The following OPLAH variants were observed in gnomAD, a reference collection of about 807,000 sequenced individuals.
OPLAH encodes 5-oxoprolinase, ATP-hydrolysing, also known as 5-oxoprolinase.
OPLAH carries 103 observed loss-of-function variants against 122.8 expected under a neutral mutation model. That is an observed-to-expected ratio of 0.84 (90% CI 0.71 to 0.99). The LOEUF is 0.99. Ranked by LOEUF, OPLAH falls within the 50% of genes least tolerant of loss-of-function variation. The pLI, the probability that OPLAH is intolerant of heterozygous loss-of-function variation, is 0.00. For synonymous variants in OPLAH, 875 were observed against 796.0 expected (o/e 1.10, Z -1.67); for missense variants, 1,902 against 1,836.5 (o/e 1.04, Z -0.65).
chr8:144,051,051 G>A, downstream of OPLAH: 1 of 1,302,492 alleles, frequency 7.7e-7, no homozygotes. Context: ...CACGTACCGC[G>A]GAGTTCCCGG....
downstream of OPLAH, chr8:144,050,841 C>G (rs1212513667): frequency 3.0e-5 from 30 of 991,658 alleles, no homozygotes; most frequent in Non-Finnish European, 3.6e-5. Context: ...TGGCCTCCTC[C>G]CCCAAGATGC....
rs370157218 is a variant in OPLAH, at chr8:144,056,708, G to A, written c.1754C>T (p.Thr585Met). The change falls in exon 13 of 27, where the codon ACG (threonine) becomes ATG (methionine). Residue 585 changes from threonine (T) to methionine (M), a missense_variant. Physicochemically the swap from Thr to Met is moderately conservative, Grantham distance 81 (BLOSUM62 -1). This residue lies in a region of OPLAH where 1,726 missense variants were observed against 1,642.1 expected (regional missense o/e 1.05). Transcript: ENST00000618853. ...ESFLHLRYQG[T>M]DCALMVSAHQ... is the part of the protein sequence containing the mutation. ...GGCAGACACCATCAGAGCACAGTCC[G>A]TGCCCTGGTAGCGCAGGTGCAGGAA... is the stretch of plus-strand genomic sequence containing the variant. The A allele has an allele frequency of 3.6e-5, 58 of 1,611,310 alleles. 2 individuals carry two copies. In the Middle Eastern group the frequency reaches 1.3e-3, roughly 37 times the overall value.
chr8:144,052,221 G>T lies in OPLAH; in HGVS notation c.3409C>A (p.His1137Asn). ...GPSWHGRSGV[H>N]SHMTNTRITD... ...ATGCGTGTGTTGGTCATGTGGCTGT[G>T]CACACCGCTGCGCCCGTGCCAGCTG... Residue 1137 changes from histidine to asparagine, a missense_variant, in exon 24 of 27, where the codon CAC becomes AAC. Physicochemically the swap from His to Asn is moderately conservative, Grantham distance 68 (BLOSUM62 1). Around this residue, in one of 3 missense-constraint regions of OPLAH, gnomAD observed 1,726 missense variants for 1,642.1 expected, o/e 1.05. Coordinates refer to ENST00000618853, the MANE Select transcript of OPLAH (RefSeq NM_017570.5). 6.4e-7 allele frequency: 1 copy of T among 1,572,966 alleles called. No individual in the cohort carries two copies. The highest frequency in any genetic ancestry group is 1.3e-5 in the African/African-American group (1 of 74,274).
chr8:144,056,746 G>A lies in OPLAH; in HGVS notation c.1716C>T (p.Ile572=), dbSNP rs782655847. 6.2e-7 allele frequency: 1 copy of A among 1,605,732 alleles called. No individual in the cohort carries two copies. The highest frequency in any genetic ancestry group is 1.7e-4 in the Middle Eastern group (1 of 5,962). ...GCAGGTGCAGGAAGCTCTCAGTGCTGATCTGGGACCTGCAGCAGGTGGTTG... is the reference window on the plus strand; with the variant it reads ...GCAGGTGCAGGAAGCTCTCAGTGCTAATCTGGGACCTGCAGCAGGTGGTTG... ...LQAQGFPRSQ[I]STESFLHLRY... is the part of the protein sequence containing the mutation. The change falls in exon 13 of 27, where the codon ATC becomes ATT. Residue 572 remains isoleucine, a synonymous_variant. Coordinates refer to ENST00000618853, the MANE Select transcript of OPLAH (RefSeq NM_017570.5).
rs782068223 is a variant in OPLAH, at chr8:144,059,003, G to A, written c.440C>T (p.Ala147Val). The part of the protein sequence containing the change: ...DERVVLHRGE[A>V]GTGTPVKGRT... ...ACCTTTCACAGGCGTCCCGGTGCCC[G>A]CCTCTCCACGGTGCAGCACCACGCG... Residue 147 changes from alanine to valine, a missense_variant, in exon 4 of 27, where the codon GCG becomes GTG. Physicochemically the swap from Ala to Val is moderately conservative, Grantham distance 64. Coordinates refer to ENST00000618853, the MANE Select transcript of OPLAH (RefSeq NM_017570.5). 46 of 1,577,220 alleles carry A rather than the reference G, an allele frequency of 2.9e-5. No homozygotes were observed. Among genetic ancestry groups the A allele is most frequent in the Non-Finnish European group, 3.5e-5 (41 of 1,163,210 alleles).
rs1554758472 is a variant in OPLAH, at chr8:144,054,627, G to A, written c.2620C>T (p.Leu874=). 5 of 1,610,806 alleles carry A rather than the reference G, an allele frequency of 3.1e-6. No individual in the cohort carries two copies. Among genetic ancestry groups the A allele is most frequent in the South Asian group, 1.1e-5 (1 of 91,054 alleles). ...AGAAAGACGGCACCCTCCTGTTGCA[G>A]CATGGTGGAGTGGGGGGGCATGGAG... ...PGSMPPHSTM[L]QQEGAVFLSF... is the part of the protein sequence containing the mutation. The change falls in exon 19 of 27, where the codon CTG becomes TTG. Residue 874 remains leucine, a synonymous_variant. Coordinates refer to ENST00000618853, the MANE Select transcript of OPLAH (RefSeq NM_017570.5).
At position 144,051,417 on chromosome 8, in the gene OPLAH, G is replaced by C. The variant is rs782229027; in HGVS notation, c.3776C>G (p.Pro1259Arg). 6.3e-7 allele frequency: 1 copy of C among 1,589,528 alleles called. No homozygotes were observed. The highest frequency in any genetic ancestry group is 1.1e-5 in the South Asian group (1 of 89,336). ...GGGGYGDPED[P>R]APPPGSPPQA... ...CGGGGGCGACCCCGGCGGTGGGGCG[G>C]GGTCCTCCGGGTCCCCATAGCCACC... The change falls in exon 27 of 27, where the codon CCC (proline) becomes CGC (arginine). Residue 1259 changes from proline (P) to arginine (R), a missense_variant. By Grantham distance (103) the Pro-to-Arg change is moderately radical. Transcript: ENST00000618853.
chr8:144,051,174 C>T (rs11989295), downstream of OPLAH: 7 of 1,433,078 alleles, frequency 4.9e-6, no homozygotes, highest in Non-Finnish European at 6.4e-6. Context: ...CCGGGCAGTG[C>T]GCCTGCAGCT....
intron 19 of OPLAH, among the ~76,000 whole-genome samples, chr8:144,053,871 C>T (rs1835448155): frequency 6.8e-6 from 1 of 146,910 alleles, no homozygotes; most frequent in South Asian, 2.2e-4. Context: ...TTCCCTGCAG[C>T]TGCTCAGTGC....
upstream of OPLAH, among the ~76,000 whole-genome samples, chr8:144,062,287 T>C (rs1835676511): frequency 6.6e-6 from 1 of 152,038 alleles, no homozygotes; most frequent in Non-Finnish European, 1.5e-5. Context: ...CCCCTCCCCA[T>C]GGATGGGCTG....
At position 144,055,867 on chromosome 8, in the gene OPLAH, G is replaced by C. The variant is rs782379470; in HGVS notation, c.2169C>G (p.Ala723=). ...GGGGGCCCACTGTGCCGGGGACTTC[G>C]GCCCCCACGGAGATGCAGATGTCCC... ...KTGDICISVG[A]EVPGTVGPQL... The change falls in exon 16 of 27, where the codon GCC becomes GCG. Residue 723 remains alanine, a synonymous_variant. Transcript: ENST00000618853. This position sits in a 1 kb window ranked among gnomAD's most constrained non-coding sequence, Gnocchi z 6.5. The C allele has an allele frequency of 5.7e-6, 9 of 1,580,776 alleles. No homozygotes were observed. Among genetic ancestry groups the C allele is most frequent in the African/African-American group, 1.3e-5 (1 of 74,138 alleles).
chr8:144,052,348 T>C, intron 23 of OPLAH, 22 bp from the exon 24 acceptor site: 1 of 1,510,878 alleles, frequency 6.6e-7, no homozygotes, highest in Non-Finnish European at 8.8e-7. Context: ...ACCTGGTCGC[T>C]GCGCTGGGCT....
rs368751577 is a variant in OPLAH, at chr8:144,058,835, C to G, written c.525G>C (p.Lys175Asn). ...TGCCTCGAGATAGCAGCCCCTCCAG[C>G]TTCCCACGCAGGGCCCCCAGGTCCA... ...QPVDLGALRG[K>N]LEGLLSRGIR... is the part of the protein sequence containing the mutation. Residue 175 changes from lysine (K) to asparagine (N), a missense_variant, in exon 5 of 27, where the codon AAG (lysine) becomes AAC (asparagine). Lys to Asn is a moderately conservative substitution (Grantham distance 94). Coordinates refer to ENST00000618853, the MANE Select transcript of OPLAH (RefSeq NM_017570.5). 49 of 1,587,510 alleles carry G rather than the reference C, an allele frequency of 3.1e-5. No individual in the cohort carries two copies. The highest frequency in any genetic ancestry group is 6.0e-6 in the Non-Finnish European group (7 of 1,167,938).
rs782749010 is a variant in OPLAH, at chr8:144,052,171, G to GCT, written c.3457_3458dup (p.Ser1153ArgfsTer44). The GCT allele has an allele frequency of 6.4e-7, 1 of 1,567,306 alleles. No homozygotes were observed. The highest frequency in any genetic ancestry group is 8.6e-7 in the Non-Finnish European group (1 of 1,159,324). On this transcript the variant is annotated frameshift_variant, in exon 24 of 27. Transcript: ENST00000618853. LOFTEE classifies it high-confidence loss of function. ...CAGCCTCCGCGCACGCCGCTCACCG[G>GCT]CTCTCCAGGATCTCAGGGTCGGTGA...
intron 25 of OPLAH, 44 bp from the exon 26 acceptor site, chr8:144,051,870 T>A: frequency 8.7e-6 from 1 of 114,324 alleles, no homozygotes; most frequent in East Asian, 4.9e-4. Flanking sequence ...GGGGCGGGGG[T>A]GGGGGCGGGG....
rs1554758047 is a variant in OPLAH, at chr8:144,052,881, A to C, written c.3038T>G (p.Phe1013Cys). 1.3e-6 allele frequency: 2 copies of C among 1,555,530 alleles called. No homozygotes were observed. The highest frequency in any genetic ancestry group is 2.7e-5 in the African/African-American group (2 of 73,200). Reference protein sequence around the residue: ...SLSQGSAVFDFSGTGPEVFGN... With the variant: ...SLSQGSAVFDCSGTGPEVFGN... The stretch of plus-strand genomic sequence containing the variant: ...AAACACCTCCGGCCCAGTGCCGCTG[A>C]AGTCAAACACGGCGCTGCCCTGCGC... Residue 1013 changes from phenylalanine (F) to cysteine (C), a missense_variant, in exon 22 of 27, where the codon TTC becomes TGC. This residue lies in a region of OPLAH where 1,726 missense variants were observed against 1,642.1 expected (regional missense o/e 1.05). Coordinates refer to ENST00000618853, the MANE Select transcript of OPLAH (RefSeq NM_017570.5).
rs1554758960 is a variant in OPLAH, at chr8:144,056,165, A to G, written c.2078T>C (p.Leu693Pro). Residue 693 changes from leucine to proline, a missense_variant, in exon 15 of 27, where the codon CTC (leucine) becomes CCC (proline). Leu to Pro is a moderately conservative substitution (Grantham distance 98). Coordinates refer to ENST00000618853, the MANE Select transcript of OPLAH (RefSeq NM_017570.5). ...AGCCCACCTGTTACTGTCGATGATG[A>G]GGCAGGGCCCATGGAGCTTGTGCCC... ...GYGHKLHGPC[L>P]IIDSNSTILV... is the part of the protein sequence containing the mutation. The G allele has an allele frequency of 6.2e-7, 1 of 1,606,468 alleles. No homozygotes were observed. The highest frequency in any genetic ancestry group is 8.5e-7 in the Non-Finnish European group (1 of 1,174,810).
rs1835598789 is a variant in OPLAH at position 144,058,876 on chromosome 8, C to G, written c.484G>C (p.Glu162Gln). The change falls in exon 5 of 27, where the codon GAA (glutamate) becomes CAA (glutamine). Residue 162 changes from glutamate to glutamine, a missense_variant. Coordinates refer to ENST00000618853, the MANE Select transcript of OPLAH (RefSeq NM_017570.5). The part of the protein sequence containing the change: ...PVKGRTGDLL[E>Q]VQQPVDLGAL... Reference sequence around the variant, plus strand: ...CCCAGGTCCACAGGCTGCTGCACTTCCAGCAGGTCCCCCGTGCGGCCTTCC... The same window carrying G: ...CCCAGGTCCACAGGCTGCTGCACTTGCAGCAGGTCCCCCGTGCGGCCTTCC... The G allele has an allele frequency of 6.4e-7, 1 of 1,556,004 alleles. No homozygotes were observed. Among genetic ancestry groups the G allele is most frequent in the East Asian group, 2.4e-5 (1 of 41,170 alleles).
In OPLAH at chr8:144,052,965, ACT is replaced by A; in HGVS notation, c.3018+16_3018+17del. 1 of 1,587,098 alleles carries A rather than the reference ACT, an allele frequency of 6.3e-7. No homozygotes were observed. Among genetic ancestry groups the A allele is most frequent in the Non-Finnish European group, 8.6e-7 (1 of 1,166,908 alleles). On this transcript the variant is annotated intron_variant, in intron 21 of 26. Coordinates refer to ENST00000618853, the MANE Select transcript of OPLAH (RefSeq NM_017570.5). ...CACCGTGCCCCTGCCGCCTAGAGGC[ACT>A]CTCCCCACGGCCCACCTGACTCAGG...
Sources: allele counts gnomAD v4.1 joint callset (sites outside exome capture counted in the v4.1 genomes callset), GRCh38; gene constraint gnomAD v4.1.1; regional missense constraint gnomAD v4.1.1; non-coding constraint Gnocchi (gnomAD v3.1); transcripts MANE v1.5; gene names NCBI Gene and HGNC (gene_info 2026-07-23, HGNC 2026-07-21).